Variants in SMARCC1 observed in about 807,000 individuals in gnomAD.
The protein encoded by SMARCC1 is SWI/SNF related BAF chromatin remodeling complex subunit C1, also known as SWI/SNF complex subunit SMARCC1.
SMARCC1 carries 43 observed loss-of-function variants against 147.4 expected under a neutral mutation model. That is an observed-to-expected ratio of 0.29 (90% CI 0.23 to 0.38). The LOEUF (loss-of-function observed/expected upper bound fraction) is 0.38. Ranked by LOEUF, SMARCC1 falls within the 10% of genes least tolerant of loss-of-function variation. The probability of loss-of-function intolerance (pLI) is 1.00; values close to 1 mark genes in which losing one functional copy is unlikely to be tolerated. For missense variants in SMARCC1, 1,119 were observed against 1,381.1 expected (o/e 0.81, Z 3.01); for synonymous variants, 495 against 484.4 (o/e 1.02, Z -0.29).
chr3:47,758,927 G>C (rs2034737400), intron 2 of SMARCC1, among the ~76,000 whole-genome samples: 2 of 151,634 alleles, frequency 1.3e-5, no homozygotes, highest in Admixed American at 6.6e-5. Flanking sequence ...TGAGGCAGGA[G>C]AATCACTTGA....
At chr3:47,712,060 C>T (rs1433872209) in intron 8 of SMARCC1, among the ~76,000 whole-genome samples, 1 of 152,078 alleles carries the variant, frequency 6.6e-6, no homozygotes, top group Non-Finnish European at 1.5e-5. Context: ...AGGAGAAACC[C>T]CGTTTCTACT....
At chr3:47,624,160 G>A (rs2032775036) in intron 24 of SMARCC1, among the ~76,000 whole-genome samples, 1 of 151,910 alleles carries the variant, frequency 6.6e-6, no homozygotes, top group Non-Finnish European at 1.5e-5. Context: ...GTGTGGTGGT[G>A]CATGTCTGTA....
chr3:47,600,429 G>A (rs1410268216), intron 26 of SMARCC1, among the ~76,000 whole-genome samples: 2 of 152,170 alleles, frequency 1.3e-5, no homozygotes, highest in African/African-American at 2.4e-5. Flanking sequence ...AGGGTTGACC[G>A]TGCCAGGTGA....
intron 2 of SMARCC1, among the ~76,000 whole-genome samples, chr3:47,753,669 G>C (rs7646982): frequency 0.62 from 85,752 of 139,380 alleles, 27,005 homozygotes; most frequent in East Asian, 0.73. Flanking sequence ...CTGAGATTGC[G>C]CCACTGCACT....
At position 47,662,940 on chromosome 3, in the gene SMARCC1, G is replaced by A. The variant is rs559902027; in HGVS notation, c.1900-348C>T. Among the ~76,000 whole-genome samples the A allele has an allele frequency of 2.6e-5, 4 of 151,004 alleles. No individual in the cohort carries two copies. In the South Asian group the frequency reaches 8.5e-4, roughly 32 times the overall value. On this transcript the variant is annotated intron_variant, in intron 19 of 27. Coordinates refer to ENST00000254480, the MANE Select transcript of SMARCC1 (RefSeq NM_003074.4). ...AAAATACAAAAATTAGCTGGGCATG[G>A]TGGTGCGTGCCTGTAATCCCAGCTA...
intron 5 of SMARCC1, among the ~76,000 whole-genome samples, chr3:47,730,981 C>T (rs571539906): frequency 6.6e-6 from 1 of 152,108 alleles, no homozygotes; most frequent in Non-Finnish European, 1.5e-5. Flanking sequence ...GTGGTGGTTG[C>T]TGAAGGTTAA....
chr3:47,726,059 C>A (rs1415359250), intron 6 of SMARCC1, among the ~76,000 whole-genome samples: 2 of 19,306 alleles, frequency 1.0e-4, no homozygotes, highest in East Asian at 2.6e-3. Context: ...GAGACTCTGT[C>A]TCAAAAAAAA....
At chr3:47,730,166 C>T (rs185967775) in intron 5 of SMARCC1, among the ~76,000 whole-genome samples, 7 of 151,736 alleles carry the variant, frequency 4.6e-5, no homozygotes, top group African/African-American at 1.2e-4. Context: ...AGTGAGACTC[C>T]GTCTCAAAAA....
In SMARCC1 at chr3:47,781,622, A is replaced by G; in HGVS notation, c.176T>C (p.Leu59Pro). The G allele has an allele frequency of 6.4e-7, 1 of 1,551,936 alleles. No individual in the cohort carries two copies. Among genetic ancestry groups the G allele is most frequent in the South Asian group, 1.2e-5 (1 of 85,156 alleles). ...VSQLDSVRVW[L>P]GKHYKKYVHA... ...ACCCACCTTCTTGTAGTGCTTGCCC[A>G]GCCAGACCCGCACCGAATCCAGCTG... Residue 59 changes from leucine to proline, a missense_variant, in exon 1 of 28, where the codon CTG (leucine) becomes CCG (proline). Physicochemically the swap from Leu to Pro is moderately conservative, Grantham distance 98. This residue lies in a region of SMARCC1 where 542 missense variants were observed against 611.8 expected (regional missense o/e 0.89). Transcript: ENST00000254480.
chr3:47,653,823 G>A (rs1302146855), intron 21 of SMARCC1, among the ~76,000 whole-genome samples: 1 of 152,190 alleles, frequency 6.6e-6, no homozygotes, highest in African/African-American at 2.4e-5. Flanking sequence ...GAACACACTT[G>A]AAAGAAGTTA....
intron 26 of SMARCC1, 93 bp from the exon 27 acceptor site, chr3:47,590,930 A>C: frequency 1.9e-6 from 2 of 1,033,936 alleles, no homozygotes; most frequent in South Asian, 3.0e-5. Context: ...CAAATATCCA[A>C]CCTTCCAAAG....
In SMARCC1 at chr3:47,672,278, G is replaced by A. The variant is rs142678179; in HGVS notation, c.1840-1561C>T. Among the ~76,000 whole-genome samples, 868 of 151,934 alleles carry A rather than the reference G, an allele frequency of 5.7e-3. 8 individuals are homozygous for A. Among genetic ancestry groups the A allele is most frequent in the African/African-American group, 0.02 (823 of 41,450 alleles). On this transcript the variant is annotated intron_variant, in intron 18 of 27. Coordinates refer to ENST00000254480, the MANE Select transcript of SMARCC1 (RefSeq NM_003074.4). ...TGCCCAGGCTGGAGTGCAGTGGCACGATCTTGGCTCACCGCAAGCTCCGCC... is the reference window on the plus strand; with the variant it reads ...TGCCCAGGCTGGAGTGCAGTGGCACAATCTTGGCTCACCGCAAGCTCCGCC...
At chr3:47,759,017 C>A (rs1254112668) in intron 2 of SMARCC1, among the ~76,000 whole-genome samples, 6 of 146,734 alleles carry the variant, frequency 4.1e-5, no homozygotes, top group Admixed American at 6.8e-5. Flanking sequence ...AACTCTGACC[C>A]AAAAAAAAAA....
At position 47,610,307 on chromosome 3, in the gene SMARCC1, CTG is replaced by C; in HGVS notation, c.2800_2801del (p.Gln934ValfsTer4). ...EKEALEQQRQ[Q>X]LLTERQNFHM... ...GGAAGTTTTGGCGTTCAGTAAGCAA[CTG>C]CTGCCTCTGTTGTTCTAGCTGTAAG... On this transcript the variant is annotated frameshift_variant, in exon 26 of 28. Coordinates refer to ENST00000254480, the MANE Select transcript of SMARCC1 (RefSeq NM_003074.4). LOFTEE classifies it high-confidence loss of function. 1 of 1,614,210 alleles carries C rather than the reference CTG, an allele frequency of 6.2e-7. No individual in the cohort carries two copies. Among genetic ancestry groups the C allele is most frequent in the Non-Finnish European group, 8.5e-7 (1 of 1,180,040 alleles).
chr3:47,638,627 T>A (rs936659398), intron 22 of SMARCC1, 98 bp downstream of exon 22: 30 of 793,194 alleles, frequency 3.8e-5, no homozygotes, highest in Admixed American at 2.7e-4. Context: ...GATAGAATTA[T>A]TTAGAGTCCC....
At chr3:47,598,545 T>C (rs1463681770) in intron 26 of SMARCC1, among the ~76,000 whole-genome samples, 2 of 152,102 alleles carry the variant, frequency 1.3e-5, no homozygotes, top group Non-Finnish European at 1.5e-5. Context: ...AAGCTATGTA[T>C]GTGGCCCAGT....
chr3:47,736,228 C>CA (rs2034441620), intron 4 of SMARCC1, 102 bp from the exon 5 acceptor site: 7 of 625,718 alleles, frequency 1.1e-5, no homozygotes, highest in East Asian at 9.6e-5. Flanking sequence ...TTTTCTGCCA[C>CA]AAAAAATATT....
chr3:47,719,323 A>T (rs1446663197), intron 7 of SMARCC1, among the ~76,000 whole-genome samples: 1 of 152,224 alleles, frequency 6.6e-6, no homozygotes, highest in African/African-American at 2.4e-5. Context: ...GTACTAGGCA[A>T]ATAAATTTCT....
At chr3:47,606,314 G>A (rs1425910092) in intron 26 of SMARCC1, among the ~76,000 whole-genome samples, 2 of 152,226 alleles carry the variant, frequency 1.3e-5, no homozygotes, top group African/African-American at 2.4e-5. Context: ...CGTCACGGGA[G>A]GCAGCACTGT....
Sources: allele counts gnomAD v4.1 joint callset (sites outside exome capture counted in the v4.1 genomes callset), GRCh38; gene constraint gnomAD v4.1.1; regional missense constraint gnomAD v4.1.1; transcripts MANE v1.5; gene names NCBI Gene and HGNC (gene_info 2026-07-23, HGNC 2026-07-21).